ATRN: variants seen among roughly 807,000 people sequenced by gnomAD.
ATRN encodes attractin, also known as attractin-2.
Under a neutral mutation model 178.7 loss-of-function variants are expected in ATRN, and 54 were observed. The ratio of observed to expected loss-of-function variants is 0.30; its 90% confidence interval spans 0.24 to 0.38. The LOEUF (loss-of-function observed/expected upper bound fraction) is 0.38, where lower values mean the gene tolerates loss of function less well. Ranked by LOEUF, ATRN falls within the 10% of genes least tolerant of loss-of-function variation. The pLI is 1.00. For synonymous variants in ATRN, 636 were observed against 663.0 expected (o/e 0.96, Z 0.63); for missense variants, 1,443 against 1,815.1 (o/e 0.79, Z 3.73).
At chr20:3,523,287 A>G (rs238703) in intron 1 of ATRN, among the ~76,000 whole-genome samples, 39,489 of 151,534 alleles carry the variant, frequency 0.26, 5,626 homozygotes, top group African/African-American at 0.31. Context: ...ATCAATAGCC[A>G]AATCGATCAA....
At position 3,489,571 on chromosome 20, in the gene ATRN, A is replaced by C. The variant is rs2084753083; in HGVS notation, c.410+18054A>C. On this transcript the variant is annotated intron_variant, in intron 1 of 28. Transcript: ENST00000262919. ...TTTTCAGATCCTCATATGTCTTCTT[A>C]TTCACAACATTCCCACTTGAGTCTT... The C allele has an allele frequency of 1.9e-5, 28 of 1,478,158 alleles. No homozygotes were observed. In the South Asian group the frequency reaches 2.8e-4, roughly 15 times the overall value. The allele number at this position is 1,478,158 out of a possible 1,614,324, so 91.6% of individuals were successfully genotyped here.
chr20:3,505,135 G>A (rs1408957098), intron 1 of ATRN, among the ~76,000 whole-genome samples: 1 of 152,178 alleles, frequency 6.6e-6, no homozygotes, highest in African/African-American at 2.4e-5. Flanking sequence ...CTGAATCAGT[G>A]AACTGAGTAA....
In ATRN at chr20:3,549,306, G is replaced by A; in HGVS notation, c.1080G>A (p.Met360Ile). The change falls in exon 6 of 29, where the codon ATG (methionine) becomes ATA (isoleucine). Residue 360 changes from methionine to isoleucine, a missense_variant. Physicochemically the swap from Met to Ile is conservative, Grantham distance 10. Around this residue, in one of 4 missense-constraint regions of ATRN, gnomAD observed 862 missense variants for 972.1 expected, o/e 0.89. Coordinates refer to ENST00000262919, the MANE Select transcript of ATRN (RefSeq NM_139321.3). ...TTATGTGGGTTGTTGGAGGATATAT[G>A]TTCAACCACTCAGATTATAACATGG... ...GNIMWVVGGY[M>I]FNHSDYNMVL... is the part of the protein sequence containing the mutation. The A allele has an allele frequency of 6.2e-7, 1 of 1,606,026 alleles. No homozygotes were observed. Among genetic ancestry groups the A allele is most frequent in the Non-Finnish European group, 8.5e-7 (1 of 1,177,494 alleles).
chr20:3,606,965 GTC>G (rs1323350007), intron 24 of ATRN, among the ~76,000 whole-genome samples: 2 of 152,092 alleles, frequency 1.3e-5, no homozygotes, highest in Non-Finnish European at 2.9e-5. Flanking sequence ...TGATCCTAGT[GTC>G]TTATTTGTGG....
At chr20:3,629,241 G>A (rs1005722457) in intron 25 of ATRN, 7 of 985,248 alleles carry the variant, frequency 7.1e-6, no homozygotes, top group Admixed American at 6.2e-5. Flanking sequence ...TAAAGATCAT[G>A]TATCTAGCCC....
chr20:3,577,516 C>G (rs1015071092), intron 14 of ATRN, among the ~76,000 whole-genome samples: 3 of 152,148 alleles, frequency 2.0e-5, no homozygotes, highest in Non-Finnish European at 2.9e-5. Context: ...GAACTCAGGG[C>G]CTGAGACCAG....
At chr20:3,547,683 A>G (rs1474711573) in intron 5 of ATRN, among the ~76,000 whole-genome samples, 194 bp downstream of exon 5, 1 of 152,132 alleles carries the variant, frequency 6.6e-6, no homozygotes, top group Non-Finnish European at 1.5e-5. Context: ...CATGGTCTTT[A>G]GAATTATGGA....
rs943886429 is a variant in ATRN at position 3,592,486 on chromosome 20, A to G, written c.3322+1180A>G. 5 of 984,132 alleles carry G rather than the reference A, an allele frequency of 5.1e-6. No individual in the cohort carries two copies. In the African/African-American group the frequency reaches 8.7e-5, roughly 17 times the overall value. 61.0% of individuals were successfully genotyped at this position (984,132 alleles called of 1,614,324 possible). On this transcript the variant is annotated intron_variant, in intron 19 of 28. Coordinates refer to ENST00000262919, the MANE Select transcript of ATRN (RefSeq NM_139321.3). ...CCTGCAAGCAATAGGACATTTTATT[A>G]TGAGAACAAAAATTATGACAAGTGA...
chr20:3,620,501 C>A (rs1287496102), intron 24 of ATRN, among the ~76,000 whole-genome samples: 3 of 131,236 alleles, frequency 2.3e-5, no homozygotes, highest in Admixed American at 1.5e-4. Flanking sequence ...CCACCTCAGC[C>A]TCCCAAAGTA....
intron 24 of ATRN, among the ~76,000 whole-genome samples, chr20:3,604,571 C>T (rs1386716563): frequency 6.6e-6 from 1 of 152,230 alleles, no homozygotes; most frequent in Non-Finnish European, 1.5e-5. Context: ...TGTAGGGCTA[C>T]ACAAAGAACT....
At position 3,645,893 on chromosome 20, in the gene ATRN, G is replaced by A. The variant is rs1266612533; in HGVS notation, c.4166-830G>A. On this transcript the variant is annotated intron_variant, in intron 28 of 28. Transcript: ENST00000262919. This position sits in a 1 kb window ranked among gnomAD's most constrained non-coding sequence, Gnocchi z 4.7. ...TTAGGAATCCAGCTCCCCCAGAACC[G>A]TGCCTTCCCTAATGGATGTCAGATT... is the stretch of plus-strand genomic sequence containing the variant. Among the ~76,000 whole-genome samples, 2 of 152,104 alleles carry A rather than the reference G, an allele frequency of 1.3e-5. No homozygotes were observed. Among genetic ancestry groups the A allele is most frequent in the Non-Finnish European group, 2.9e-5 (2 of 68,030 alleles).
chr20:3,564,287 C>T (rs1026010440), intron 10 of ATRN, among the ~76,000 whole-genome samples: 1 of 152,110 alleles, frequency 6.6e-6, no homozygotes, highest in Non-Finnish European at 1.5e-5. Context: ...CTCTGAGTAC[C>T]CTTTAAGTCA....
At chr20:3,531,602 G>A (rs763459048) in intron 1 of ATRN, among the ~76,000 whole-genome samples, 8 of 152,170 alleles carry the variant, frequency 5.3e-5, no homozygotes, top group African/African-American at 9.7e-5. Flanking sequence ...AGAAATTTCC[G>A]TAAGGTTTTG....
chr20:3,512,998 C>T (rs2146131888), intron 1 of ATRN, among the ~76,000 whole-genome samples: 1 of 152,186 alleles, frequency 6.6e-6, no homozygotes, highest in South Asian at 2.1e-4. Context: ...TTTGTAGATT[C>T]TGGATATTAG....
intron 1 of ATRN, among the ~76,000 whole-genome samples, chr20:3,516,372 C>T (rs534753237): frequency 6.6e-6 from 1 of 152,004 alleles, no homozygotes; most frequent in African/African-American, 2.4e-5. Flanking sequence ...AGTTGCCATA[C>T]GTATAACTGC....
At chr20:3,508,067 G>T (rs1368594694) in intron 1 of ATRN, among the ~76,000 whole-genome samples, 1 of 151,872 alleles carries the variant, frequency 6.6e-6, no homozygotes, top group Admixed American at 6.6e-5. Context: ...GCAAGAAAAA[G>T]GCTGGGCGTG....
At chr20:3,512,059 C>T in intron 1 of ATRN, among the ~76,000 whole-genome samples, 1 of 138,186 alleles carries the variant, frequency 7.2e-6, no homozygotes, top group Non-Finnish European at 1.6e-5. Context: ...GGAAGGCCTG[C>T]ACTGGGTTAT....
chr20:3,526,881 A>G (rs1478294380), intron 1 of ATRN, among the ~76,000 whole-genome samples: 1 of 152,236 alleles, frequency 6.6e-6, no homozygotes, highest in East Asian at 1.9e-4. Flanking sequence ...AGCCATATGC[A>G]GAAAACTGAA....
At chr20:3,503,689 A>G (rs1367380378) in intron 1 of ATRN, among the ~76,000 whole-genome samples, 2 of 152,198 alleles carry the variant, frequency 1.3e-5, no homozygotes, top group Non-Finnish European at 2.9e-5. Context: ...ATTGGAAGAA[A>G]GCAAACTGCA....
Sources: allele counts gnomAD v4.1 joint callset (sites outside exome capture counted in the v4.1 genomes callset), GRCh38; gene constraint gnomAD v4.1.1; regional missense constraint gnomAD v4.1.1; non-coding constraint Gnocchi (gnomAD v3.1); transcripts MANE v1.5; gene names NCBI Gene and HGNC (gene_info 2026-07-23, HGNC 2026-07-21).